STRBP: variants seen among roughly 807,000 people sequenced by gnomAD.
The protein encoded by STRBP is spermatid perinuclear RNA binding protein, also known as spermatid perinuclear RNA-binding protein.
STRBP carries 13 observed loss-of-function variants against 80.1 expected under a neutral mutation model. The observed-to-expected ratio is 0.16, with a 90% confidence interval of 0.11 to 0.26. The LOEUF (loss-of-function observed/expected upper bound fraction) is 0.26, where lower values mean the gene tolerates loss of function less well. STRBP is among the 10% of genes least tolerant of loss of function. The pLI is 1.00. For missense variants in STRBP, 485 were observed against 815.2 expected (o/e 0.59, Z 4.93); for synonymous variants, 284 against 291.2 (o/e 0.98, Z 0.25).
intron 2 of STRBP, among the ~76,000 whole-genome samples, chr9:123,234,313 G>T (rs75931870): frequency 6.7e-6 from 1 of 149,660 alleles, no homozygotes; most frequent in African/African-American, 2.5e-5. Flanking sequence ...CCAGTTTTCT[G>T]TTACCAAGAC....
At chr9:123,116,990 G>A (rs1237585699), downstream of STRBP, among the ~76,000 whole-genome samples, 3 of 152,184 alleles carry the variant, frequency 2.0e-5, no homozygotes, top group Non-Finnish European at 2.9e-5. Context: ...GGGCCACAAT[G>A]CTTTGCCACA....
rs2040087724 is a variant in STRBP at position 123,222,138 on chromosome 9, T to C, written c.-165+14692A>G. Among the ~76,000 whole-genome samples the C allele has an allele frequency of 2.0e-5, 3 of 152,088 alleles. No homozygotes were observed. The South Asian group carries it at 6.2e-4, about 31-fold the overall frequency. On this transcript the variant is annotated intron_variant, in intron 2 of 18. Transcript: ENST00000348403. ...CCCTTCCTACCCCTCTCCTCGCTCT[T>C]TCCTTCTCTTTCTCACTATGAAATC...
intron 1 of STRBP, among the ~76,000 whole-genome samples, chr9:123,259,933 G>A (rs1336907628): frequency 2.0e-5 from 3 of 152,182 alleles, no homozygotes; most frequent in South Asian, 4.1e-4. Flanking sequence ...AATAAACTTC[G>A]TAGTCTTGAC....
rs1324457776 is a variant in STRBP at position 123,158,394 on chromosome 9, G to C, written c.871C>G (p.Pro291Ala). ...PGLHDPCERD[P>A]TDALSYMTIQ... is the part of the protein sequence containing the mutation. ...GTCATATAGCTCAGAGCATCTGTTG[G>C]GTCTCGCTCACAAGGATCATGAAGA... The change falls in exon 10 of 19, where the codon CCA becomes GCA. Residue 291 changes from proline to alanine, a missense_variant. Physicochemically the swap from Pro to Ala is conservative, Grantham distance 27. Transcript: ENST00000348403. The C allele has an allele frequency of 6.2e-7, 1 of 1,613,234 alleles. No homozygotes were observed. The highest frequency in any genetic ancestry group is 8.5e-7 in the Non-Finnish European group (1 of 1,179,604).
intron 2 of STRBP, among the ~76,000 whole-genome samples, chr9:123,234,410 GA>G (rs887199279): frequency 3.4e-5 from 5 of 149,200 alleles, no homozygotes; most frequent in Non-Finnish European, 5.9e-5. Context: ...GAGAATCACA[GA>G]CTGTTAAAAC....
chr9:123,201,640 A>T (rs560014058), intron 2 of STRBP, among the ~76,000 whole-genome samples: 49 of 152,288 alleles, frequency 3.2e-4, no homozygotes, highest in African/African-American at 1.1e-3. Context: ...TCGATTTTTT[A>T]AAATTTATTG....
At chr9:123,256,094 G>A (rs1207101628) in intron 1 of STRBP, among the ~76,000 whole-genome samples, 1 of 131,316 alleles carries the variant, frequency 7.6e-6, no homozygotes, top group Non-Finnish European at 1.5e-5. Flanking sequence ...CATGATCATA[G>A]CTCACTACGG....
downstream of STRBP, among the ~76,000 whole-genome samples, chr9:123,120,496 GGGGGGGGCAGGGGC>G (rs2035715409): frequency 7.5e-6 from 1 of 132,548 alleles, no homozygotes; most frequent in African/African-American, 2.7e-5. Flanking sequence ...GGGGTGGGGG[GGGGGGGGCAGGGGC>G]GGGGAAAGCA....
intron 3 of STRBP, chr9:123,114,897 A>G (rs913530948): frequency 1.3e-5 from 4 of 299,262 alleles, no homozygotes; most frequent in Non-Finnish European, 2.8e-5. Context: ...CTGTGAGGAG[A>G]TGCCATTCCT....
intron 2 of STRBP, among the ~76,000 whole-genome samples, chr9:123,222,291 C>T (rs866251729): frequency 3.3e-4 from 50 of 152,076 alleles, no homozygotes; most frequent in Middle Eastern, 3.4e-3. Flanking sequence ...ACATGTGCCC[C>T]GAGCCTTTCA....
chr9:123,112,980 G>T (rs933007765), intron 3 of STRBP: 1 of 167,092 alleles, frequency 6.0e-6, no homozygotes, highest in African/African-American at 2.4e-5. Flanking sequence ...TAGGATAGCA[G>T]GAAAGAAAAC....
At chr9:123,213,051 T>C (rs1436002307) in intron 2 of STRBP, among the ~76,000 whole-genome samples, 1 of 152,166 alleles carries the variant, frequency 6.6e-6, no homozygotes, top group African/African-American at 2.4e-5. Context: ...CATAAAGGCT[T>C]TTCCCTGGCT....
Position 123,124,177 on chromosome 9 carries a change from T to C in STRBP, c.*1420A>G. 1 of 985,460 alleles carries C rather than the reference T, an allele frequency of 1.0e-6. No individual in the cohort carries two copies. Among genetic ancestry groups the C allele is most frequent in the Non-Finnish European group, 1.2e-6 (1 of 829,942 alleles). 61.0% of individuals were successfully genotyped at this position (985,460 alleles called of 1,614,324 possible). A position where few individuals can be genotyped will look rare whatever the true frequency, so the allele number is the denominator to read the frequency against. Reference sequence around the variant, plus strand: ...ATTTTGTGAAGCCCATTCTCATGGATGGGCCCTGTCAAGTTCCCAAAAGCA... The same window carrying C: ...ATTTTGTGAAGCCCATTCTCATGGACGGGCCCTGTCAAGTTCCCAAAAGCA... On this transcript the variant is annotated 3_prime_UTR_variant, in exon 19 of 19. Coordinates refer to ENST00000348403, the MANE Select transcript of STRBP (RefSeq NM_018387.5).
intron 17 of STRBP, among the ~76,000 whole-genome samples, chr9:123,128,628 A>G (rs2132301567): frequency 6.6e-6 from 1 of 152,364 alleles, no homozygotes; most frequent in Admixed American, 6.5e-5. Flanking sequence ...AGCAGAATGT[A>G]TGATATATAT....
At chr9:123,254,779 G>A (rs1056188279) in intron 1 of STRBP, among the ~76,000 whole-genome samples, 7 of 152,054 alleles carry the variant, frequency 4.6e-5, no homozygotes, top group Admixed American at 3.3e-4. Flanking sequence ...GGACAGTTGG[G>A]TCCTACTGAC....
chr9:123,213,937 A>C (rs2039801023), intron 2 of STRBP: 1 of 151,910 alleles, frequency 6.6e-6, no homozygotes, highest in Non-Finnish European at 1.5e-5. Context: ...AAAAAAAAAA[A>C]AGAATCACTA....
intron 1 of STRBP, among the ~76,000 whole-genome samples, chr9:123,237,214 T>C (rs994519528): frequency 6.6e-6 from 1 of 152,174 alleles, no homozygotes; most frequent in African/African-American, 2.4e-5. Context: ...TATTCTAACA[T>C]TCCTACTGAA....
chr9:123,237,565 CA>C (rs2040595934), intron 1 of STRBP, among the ~76,000 whole-genome samples: 1 of 151,754 alleles, frequency 6.6e-6, no homozygotes, highest in Non-Finnish European at 1.5e-5. Flanking sequence ...GTGCTTCCAA[CA>C]AGAACAACCT....
At chr9:123,248,847 T>C (rs1209686837) in intron 1 of STRBP, among the ~76,000 whole-genome samples, 3 of 152,358 alleles carry the variant, frequency 2.0e-5, no homozygotes, top group African/African-American at 7.2e-5. Context: ...TACAAGGTTA[T>C]ATGTCTTACC....
Sources: allele counts gnomAD v4.1 joint callset (sites outside exome capture counted in the v4.1 genomes callset), GRCh38; gene constraint gnomAD v4.1.1; transcripts MANE v1.5; gene names NCBI Gene and HGNC (gene_info 2026-07-23, HGNC 2026-07-21).